SPATA13: variants seen among roughly 807,000 people sequenced by gnomAD.
The protein encoded by SPATA13 is spermatogenesis-associated protein 13.
SPATA13 carries 50 observed loss-of-function variants against 104.0 expected under a neutral mutation model. That is an observed-to-expected ratio of 0.48 (90% CI 0.38 to 0.61). The LOEUF (loss-of-function observed/expected upper bound fraction) is 0.61. SPATA13 is among the 20% of genes least tolerant of loss of function. The pLI, the probability that SPATA13 is intolerant of heterozygous loss-of-function variation, is 0.00. For missense variants in SPATA13, 1,524 were observed against 1,690.6 expected (o/e 0.90, Z 1.73); for synonymous variants, 606 against 667.5 (o/e 0.91, Z 1.42).
chr13:24,063,482 C>T (rs1487975307), intron 3 of SPATA13, among the ~76,000 whole-genome samples: 1 of 152,122 alleles, frequency 6.6e-6, no homozygotes, highest in Non-Finnish European at 1.5e-5. Flanking sequence ...CCCTGGCCCA[C>T]ATCCCTCGGT....
chr13:24,248,045 G>A (rs1873260537), intron 2 of SPATA13, among the ~76,000 whole-genome samples: 1 of 152,224 alleles, frequency 6.6e-6, no homozygotes, highest in Non-Finnish European at 1.5e-5. Context: ...CTGACTGACA[G>A]CCCTTTTTGT....
At chr13:24,212,286 C>G (rs1871065450) in intron 1 of SPATA13, among the ~76,000 whole-genome samples, 1 of 81,620 alleles carries the variant, frequency 1.2e-5, no homozygotes, top group African/African-American at 4.0e-5. Context: ...CAGAGTGAGA[C>G]CCTGTTTAAG....
intron 1 of SPATA13, among the ~76,000 whole-genome samples, chr13:24,190,275 T>C (rs71425115): frequency 2.5e-4 from 1 of 3,990 alleles, no homozygotes; most frequent in Non-Finnish European, 5.8e-4. Context: ...TATATATTAT[T>C]ATATATAATA....
rs148608098 is a variant in SPATA13, at chr13:24,286,806, C to T, written c.2523C>T (p.Ser841=). Residue 841 remains serine, a synonymous_variant, in exon 7 of 13, where the codon AGC becomes AGT. Transcript: ENST00000382108. This position sits in a 1 kb window ranked among gnomAD's most constrained non-coding sequence, Gnocchi z 4.9. ...AAGAGCTGTCGGAAAACTCCAGCAG[C>T]ACCCCCAGTGAGGAGCAGGACGAGG... is the stretch of plus-strand genomic sequence containing the variant. ...NQEELSENSS[S]TPSEEQDEEA... The T allele has an allele frequency of 6.2e-7, 1 of 1,613,644 alleles. No homozygotes were observed. The highest frequency in any genetic ancestry group is 8.5e-7 in the Non-Finnish European group (1 of 1,179,950).
intron 2 of SPATA13, among the ~76,000 whole-genome samples, chr13:24,007,143 T>C (rs1268588554): frequency 2.0e-5 from 3 of 152,106 alleles, no homozygotes; most frequent in Non-Finnish European, 4.4e-5. Flanking sequence ...TGTCAGTGCC[T>C]CTCCTGATTG....
chr13:24,192,766 G>A (rs1261258257), intron 1 of SPATA13, among the ~76,000 whole-genome samples: 1 of 152,150 alleles, frequency 6.6e-6, no homozygotes, highest in Non-Finnish European at 1.5e-5. Flanking sequence ...GGGGTGCCAT[G>A]GAGACAGATC....
rs143509413 is a variant in SPATA13 at position 24,265,889 on chromosome 13, G to A, written c.2164+14027G>A. ...GCAGCTGCTTTGCAGAAACAACAGG[G>A]AAGCTGCAGCAGGTGGGAAACTTTG... On this transcript the variant is annotated intron_variant, in intron 4 of 12. Transcript: ENST00000382108. 6.4e-3 allele frequency among the ~76,000 whole-genome samples: 976 copies of A among 152,288 alleles called. 3 individuals carry two copies. Among genetic ancestry groups the A allele is most frequent in the Middle Eastern group, 0.017 (5 of 294 alleles).
At chr13:24,101,674 C>T (rs1880261858) in intron 3 of SPATA13, among the ~76,000 whole-genome samples, 1 of 152,208 alleles carries the variant, frequency 6.6e-6, no homozygotes, top group Non-Finnish European at 1.5e-5. Context: ...ATTACAGTTT[C>T]TGTCTCTACT....
intron 4 of SPATA13, among the ~76,000 whole-genome samples, chr13:24,273,848 T>C (rs1294727806): frequency 6.6e-6 from 1 of 152,208 alleles, no homozygotes; most frequent in Non-Finnish European, 1.5e-5. Flanking sequence ...GGTTGGTTTT[T>C]GTTTCCTTAA....
At chr13:24,301,077 G>A (rs1017480994) in intron 12 of SPATA13, among the ~76,000 whole-genome samples, 1 of 152,132 alleles carries the variant, frequency 6.6e-6, no homozygotes, top group African/African-American at 2.4e-5. Context: ...GGGCTCTGAT[G>A]CACTAAGATT....
At chr13:24,206,393 A>G (rs1029071477) in intron 1 of SPATA13, among the ~76,000 whole-genome samples, 3 of 152,222 alleles carry the variant, frequency 2.0e-5, no homozygotes, top group African/African-American at 7.2e-5. Context: ...AATGACTGTT[A>G]TCAAAAAGTC....
chr13:23,994,208 C>T (rs957762743), intron 2 of SPATA13, among the ~76,000 whole-genome samples: 3 of 152,148 alleles, frequency 2.0e-5, no homozygotes, highest in Admixed American at 1.3e-4. Flanking sequence ...GGGACTTAGA[C>T]TGCTCCATAA....
At chr13:24,075,853 T>C (rs1028686527) in intron 3 of SPATA13, among the ~76,000 whole-genome samples, 1 of 152,324 alleles carries the variant, frequency 6.6e-6, no homozygotes, top group South Asian at 2.1e-4. Context: ...GCCGCCACGC[T>C]GTCTCCCTTT....
chr13:24,134,525 A>G (rs747310), intron 3 of SPATA13, among the ~76,000 whole-genome samples: 86,171 of 152,062 alleles, frequency 0.57, 24,660 homozygotes, highest in Admixed American at 0.62. Flanking sequence ...TTAGCAAAGC[A>G]TCCCAATGGG....
chr13:24,089,965 T>C (rs1334027095), intron 3 of SPATA13, among the ~76,000 whole-genome samples: 1 of 152,176 alleles, frequency 6.6e-6, no homozygotes, highest in Non-Finnish European at 1.5e-5. Context: ...CAAACCCTTT[T>C]ATAAGGTCTC....
chr13:24,167,177 CAG>C (rs995302420), intron 1 of SPATA13, among the ~76,000 whole-genome samples: 46 of 152,262 alleles, frequency 3.0e-4, no homozygotes, highest in African/African-American at 9.6e-4. Flanking sequence ...TGTAAAATGC[CAG>C]AGTGTCCTGG....
chr13:24,008,564 A>AGG (rs1041392762), intron 2 of SPATA13, among the ~76,000 whole-genome samples: 5 of 151,800 alleles, frequency 3.3e-5, no homozygotes, highest in African/African-American at 1.2e-4. Context: ...GGAGAAGGGG[A>AGG]GGGGAGAGAG....
At chr13:24,082,009 C>T (rs917967910) in intron 3 of SPATA13, among the ~76,000 whole-genome samples, 3 of 152,172 alleles carry the variant, frequency 2.0e-5, no homozygotes, top group East Asian at 3.9e-4. Flanking sequence ...CTGTATTGGT[C>T]TCGAATGGCT....
chr13:24,108,084 G>A (rs1237506543), intron 3 of SPATA13, among the ~76,000 whole-genome samples: 1 of 152,216 alleles, frequency 6.6e-6, no homozygotes, highest in Non-Finnish European at 1.5e-5. Flanking sequence ...TCCAAGAGGG[G>A]CCTTGCTGCT....
Sources: allele counts gnomAD v4.1 joint callset (sites outside exome capture counted in the v4.1 genomes callset), GRCh38; gene constraint gnomAD v4.1.1; non-coding constraint Gnocchi (gnomAD v3.1); transcripts MANE v1.5; gene names NCBI Gene and HGNC (gene_info 2026-07-23, HGNC 2026-07-21).